The following IGF1R variants were observed in gnomAD, a reference collection of about 807,000 sequenced individuals.
The protein encoded by IGF1R is insulin like growth factor 1 receptor, also known as insulin-like growth factor 1 receptor.
A neutral mutation model predicts 144.6 loss-of-function variants in IGF1R; 44 were observed. That is an observed-to-expected ratio of 0.30 (90% confidence interval 0.24 to 0.39). IGF1R has a LOEUF of 0.39. IGF1R is among the 10% of genes least tolerant of loss of function. The pLI is 1.00. For missense variants in IGF1R, 1,355 were observed against 1,833.7 expected (o/e 0.74, Z 4.77); for synonymous variants, 795 against 722.8 (o/e 1.10, Z -1.60).
Position 98,930,233 on chromosome 15 carries a change from A to G in IGF1R, c.2886-2A>G. The G allele has an allele frequency of 6.2e-7, 1 of 1,611,488 alleles. No homozygotes were observed. Among genetic ancestry groups the G allele is most frequent in the Non-Finnish European group, 8.5e-7 (1 of 1,177,872 alleles). ...TTAACGTGAATTTAATCTTTTTGAC[A>G]GAAATAACAGCAGGCTGGGGAATGG... On this transcript the variant is annotated splice_acceptor_variant, in intron 14 of 20. Coordinates refer to ENST00000650285, the MANE Select transcript of IGF1R (RefSeq NM_000875.5). LOFTEE classifies it high-confidence loss of function.
In IGF1R at chr15:98,650,827, G is replaced by T. The variant is rs1020191267; in HGVS notation, c.94+1152G>T. 1.1e-5 allele frequency: 9 copies of T among 841,150 alleles called. No homozygotes were observed. The Admixed American group carries it at 3.7e-4, about 35-fold the overall frequency. The allele number at this position is 841,150 out of a possible 1,614,324, so 52.1% of individuals were successfully genotyped here. A position where few individuals can be genotyped will look rare whatever the true frequency, so the allele number is the denominator to read the frequency against. ...TTGTACGTAGTTAATAAGCAGTGTC[G>T]CTCCACATTCGCTGTCTTTTGCAAT... On this transcript the variant is annotated intron_variant, in intron 1 of 20. Transcript: ENST00000650285.
chr15:98,660,859 C>T (rs935388523), intron 1 of IGF1R, among the ~76,000 whole-genome samples: 1 of 152,134 alleles, frequency 6.6e-6, no homozygotes, highest in Non-Finnish European at 1.5e-5. Context: ...CTGTAGTGTG[C>T]TTTTAAACCC....
chr15:98,910,862 G>A (rs1412877499), intron 6 of IGF1R, among the ~76,000 whole-genome samples: 1 of 152,286 alleles, frequency 6.6e-6, no homozygotes, highest in African/African-American at 2.4e-5. Flanking sequence ...ACCTGTCTTT[G>A]GTGGTTGTAC....
At chr15:98,941,074 G>A (rs968220519) in intron 18 of IGF1R, among the ~76,000 whole-genome samples, 1 of 152,256 alleles carries the variant, frequency 6.6e-6, no homozygotes, top group African/African-American at 2.4e-5. Context: ...CCAGTGCAGG[G>A]GGGAGCCAGG....
chr15:98,788,739 A>G lies in IGF1R; in HGVS notation c.640+80632A>G, dbSNP rs1265024471. 4.6e-5 allele frequency among the ~76,000 whole-genome samples: 7 copies of G among 152,216 alleles called. No individual in the cohort carries two copies. In the East Asian group the frequency reaches 1.3e-3, roughly 29 times the overall value. On this transcript the variant is annotated intron_variant, in intron 2 of 20. Coordinates refer to ENST00000650285, the MANE Select transcript of IGF1R (RefSeq NM_000875.5). ...GTCCTAATCCCTGTTCTGGCCGGTG[A>G]TTCAGCTCCAGGTGGAGGCTGTGCA...
rs1460095883 is a variant in IGF1R at position 98,869,294 on chromosome 15, A to AC, written c.641-22031_641-22030insC. 2.9e-3 allele frequency among the ~76,000 whole-genome samples: 358 copies of AC among 123,298 alleles called. 2 individuals carry two copies. Among genetic ancestry groups the AC allele is most frequent in the African/African-American group, 0.011 (350 of 31,360 alleles). 80.9% of individuals were successfully genotyped at this position (123,298 alleles called of 152,430 possible). ...GATTTCGAGACAGCTTTCAATTAAAAAAAACAAACAACAACAACAACAAAA... is the reference window on the plus strand; with the variant it reads ...GATTTCGAGACAGCTTTCAATTAAAACAAAACAAACAACAACAACAACAAAA... On this transcript the variant is annotated intron_variant, in intron 2 of 20. Transcript: ENST00000650285.
Position 98,924,674 on chromosome 15 carries a change from C to T in IGF1R, c.2772C>T (p.Val924=). 3.7e-6 allele frequency: 6 copies of T among 1,613,810 alleles called. No individual in the cohort carries two copies. Among genetic ancestry groups the T allele is most frequent in the East Asian group, 2.2e-5 (1 of 44,878 alleles). The change falls in exon 13 of 21, where the codon GTC becomes GTT. Residue 924 remains valine, a synonymous_variant. Coordinates refer to ENST00000650285, the MANE Select transcript of IGF1R (RefSeq NM_000875.5). ...GGACAGATCCTGTGTTCTTCTATGT[C>T]CAGGCCAAAAGTAAGGCTTGTGGAG... ...GSWTDPVFFY[V]QAKTGYENFI...
intron 1 of IGF1R, among the ~76,000 whole-genome samples, chr15:98,680,560 C>T (rs1464852115): frequency 2.6e-5 from 4 of 151,918 alleles, no homozygotes; most frequent in African/African-American, 9.7e-5. Context: ...GCCACCGCGC[C>T]TGGCCTTTTG....
In IGF1R at chr15:98,704,258, A is replaced by T. The variant is rs936130076; in HGVS notation, c.95-3304A>T. 2.0e-5 allele frequency among the ~76,000 whole-genome samples: 3 copies of T among 151,904 alleles called. No homozygotes were observed. The highest frequency in any genetic ancestry group is 7.3e-5 in the African/African-American group (3 of 41,330). ...AAGAGAAATGAGAGGTAGGGGAGGG[A>T]GGGAGGAGTTGGGGGACAGTTGGGG... is the stretch of plus-strand genomic sequence containing the variant. On this transcript the variant is annotated intron_variant, in intron 1 of 20. Coordinates refer to ENST00000650285, the MANE Select transcript of IGF1R (RefSeq NM_000875.5). The surrounding 1 kb of genome is among the most constrained non-coding windows in gnomAD (Gnocchi z 4.9).
chr15:98,673,376 G>T (rs1442258489), intron 1 of IGF1R, among the ~76,000 whole-genome samples: 1 of 152,066 alleles, frequency 6.6e-6, no homozygotes, highest in African/African-American at 2.4e-5. Context: ...GATCATTCTC[G>T]CTCTGTTTTA....
At chr15:98,898,294 C>T (rs926421115) in intron 4 of IGF1R, among the ~76,000 whole-genome samples, 1 of 152,180 alleles carries the variant, frequency 6.6e-6, no homozygotes, top group South Asian at 2.1e-4. Context: ...AAAATTTAAT[C>T]TGTGAATTAA....
chr15:98,942,814 C>G, intron 18 of IGF1R, 109 bp from the exon 19 acceptor site: 1 of 1,431,590 alleles, frequency 7.0e-7, no homozygotes, highest in Non-Finnish European at 9.8e-7. Flanking sequence ...TGGGACGTGT[C>G]TGTGTCTTGC....
intron 10 of IGF1R, among the ~76,000 whole-genome samples, chr15:98,918,665 G>A (rs912285518): frequency 2.6e-5 from 4 of 152,166 alleles, no homozygotes. Context: ...TGGATCACAA[G>A]ATCAGGCGTT....
At chr15:98,868,344 A>AAAAAAAAAAAAAAAAAG (rs1555454784) in intron 2 of IGF1R, among the ~76,000 whole-genome samples, 1 of 132,802 alleles carries the variant, frequency 7.5e-6, no homozygotes, top group African/African-American at 2.7e-5. Flanking sequence ...AAAAAAAAAA[A>AAAAAAAAAAAAAAAAAG]GCCAAATCTG....
Position 98,648,987 on chromosome 15 carries a change from C to CGGCGGCGGCGGCGCTGAGGGAGGA in IGF1R, c.-584_-561dup, listed in dbSNP as rs1053681925. On this transcript the variant is annotated 5_prime_UTR_variant, in exon 1 of 21. Coordinates refer to ENST00000650285, the MANE Select transcript of IGF1R (RefSeq NM_000875.5). ...CCTGGATTTGGGAAGGAGCTCGCCG[C>CGGCGGCGGCGGCGCTGAGGGAGGA]GGCGGCGGCGGCGCTGAGGGAGGAG... is the stretch of plus-strand genomic sequence containing the variant. 1.9e-5 allele frequency: 4 copies of CGGCGGCGGCGGCGCTGAGGGAGGA among 209,516 alleles called. No homozygotes were observed. The highest frequency in any genetic ancestry group is 1.7e-4 in the South Asian group (1 of 5,884). 13.0% of individuals were successfully genotyped at this position (209,516 alleles called of 1,614,324 possible). A position where few individuals can be genotyped will look rare whatever the true frequency, so the allele number is the denominator to read the frequency against.
chr15:98,802,802 C>T (rs1295394846), intron 2 of IGF1R, among the ~76,000 whole-genome samples: 2 of 152,134 alleles, frequency 1.3e-5, no homozygotes, highest in East Asian at 3.9e-4. Flanking sequence ...AGTGAGACCC[C>T]TAAGAATTCT....
At chr15:98,883,631 G>T (rs2013490568) in intron 2 of IGF1R, among the ~76,000 whole-genome samples, 1 of 152,212 alleles carries the variant, frequency 6.6e-6, no homozygotes, top group Non-Finnish European at 1.5e-5. Flanking sequence ...ATTTTACGAG[G>T]CGAGAGCATG....
rs919783092 is a variant in IGF1R, at chr15:98,923,851, T to C, written c.2486-25T>C. On this transcript the variant is annotated intron_variant, in intron 11 of 20. Transcript: ENST00000650285. ...CCCTCCCTGGGAACCCAAATCCAAC[T>C]TTGTCACCTGTTTAAATTGTACAGA... is the stretch of plus-strand genomic sequence containing the variant. 4.3e-6 allele frequency: 7 copies of C among 1,611,896 alleles called. No homozygotes were observed. The African/African-American group carries it at 8.0e-5, about 18-fold the overall frequency.
intron 10 of IGF1R, among the ~76,000 whole-genome samples, chr15:98,918,569 C>T (rs1449225275): frequency 6.6e-6 from 1 of 152,108 alleles, no homozygotes; most frequent in Non-Finnish European, 1.5e-5. Flanking sequence ...TTCTCCTCCC[C>T]TCCTCTCTCG....
Sources: gnomAD v4.1 joint callset for allele counts (sites outside exome capture counted in the v4.1 genomes callset) on GRCh38, gnomAD v4.1.1 for gene constraint, Gnocchi (gnomAD v3.1) non-coding constraint, MANE v1.5 for transcripts, NCBI Gene and HGNC (gene_info 2026-07-23, HGNC 2026-07-21) for gene names.